Variants in NNMT observed in about 807,000 individuals in gnomAD.
NNMT encodes the protein nicotinamide N-methyltransferase.
NNMT carries 10 observed loss-of-function variants against 11.7 expected under a neutral mutation model. The observed-to-expected ratio is 0.85, with a 90% CI of 0.53 to 1.45. NNMT has a LOEUF of 1.45. Ranked by LOEUF, NNMT falls within the 40% of genes most tolerant of loss-of-function variation. NNMT has a pLI of 0.00. For synonymous variants in NNMT, 143 were observed against 133.8 expected (o/e 1.07, Z -0.48); for missense variants, 381 against 319.4 (o/e 1.19, Z -1.47).
upstream of NNMT, chr11:114,296,138 A>G (rs1038099312): frequency 6.4e-6 from 1 of 156,252 alleles, no homozygotes; most frequent in Non-Finnish European, 1.4e-5. Context: ...AAGAACGAGA[A>G]GAATGATGGT....
chr11:114,258,277 T>C (rs533384569), intron 1 of NNMT, among the ~76,000 whole-genome samples: 1 of 152,370 alleles, frequency 6.6e-6, no homozygotes, highest in Non-Finnish European at 1.5e-5. Flanking sequence ...CCTGTAGTCC[T>C]GGCTGGGTTC....
chr11:114,302,232 C>T (rs530843310), intron 2 of NNMT, among the ~76,000 whole-genome samples: 1 of 152,182 alleles, frequency 6.6e-6, no homozygotes, highest in Admixed American at 6.5e-5. Context: ...TGTTGTTCAC[C>T]TGTGTCTTTC....
intron 2 of NNMT, among the ~76,000 whole-genome samples, chr11:114,265,039 C>T (rs1022946320): frequency 6.6e-6 from 1 of 152,158 alleles, no homozygotes; most frequent in Admixed American, 6.5e-5. Flanking sequence ...ACCTTCAGCC[C>T]CTCTCCCTTC....
chr11:114,270,133 T>C (rs940425067), intron 2 of NNMT, among the ~76,000 whole-genome samples: 2 of 152,370 alleles, frequency 1.3e-5, no homozygotes, highest in African/African-American at 2.4e-5. Flanking sequence ...GTATTATTTC[T>C]ACCTTTTGAG....
At chr11:114,285,484 A>C (rs1029331660) in intron 2 of NNMT, among the ~76,000 whole-genome samples, 1 of 152,226 alleles carries the variant, frequency 6.6e-6, no homozygotes, top group African/African-American at 2.4e-5. Context: ...ATTAAGGCTC[A>C]TATTAATCAG....
chr11:114,282,417 T>C (rs368040368), intron 2 of NNMT, among the ~76,000 whole-genome samples: 2 of 151,682 alleles, frequency 1.3e-5, no homozygotes, highest in Non-Finnish European at 2.9e-5. Flanking sequence ...AAATCAACAA[T>C]AGGAAAAAGT....
At chr11:114,281,667 C>A (rs1945264501) in intron 2 of NNMT, among the ~76,000 whole-genome samples, 1 of 152,116 alleles carries the variant, frequency 6.6e-6, no homozygotes, top group Admixed American at 6.5e-5. Context: ...CTGTTGCAAC[C>A]ATTTTAATAG....
At chr11:114,295,513 C>G (rs550873643), upstream of NNMT, among the ~76,000 whole-genome samples, 1 of 150,796 alleles carries the variant, frequency 6.6e-6, no homozygotes, top group Admixed American at 6.6e-5. Flanking sequence ...CAAGCTCCGC[C>G]CCCCGGGTTC....
chr11:114,294,645 C>T (rs924121382), upstream of NNMT, among the ~76,000 whole-genome samples: 1 of 151,742 alleles, frequency 6.6e-6, no homozygotes, highest in Admixed American at 6.6e-5. Flanking sequence ...TGGTGGATAC[C>T]CCATTTACCC....
rs1011267205 is a variant in NNMT, at chr11:114,269,839, G to T, written c.-130+6905G>T. 2.6e-5 allele frequency among the ~76,000 whole-genome samples: 4 copies of T among 152,230 alleles called. No homozygotes were observed. In the South Asian group the frequency reaches 8.3e-4, roughly 32 times the overall value. ...TTTTGTCATTGCATGTTATTTAAATGTACTTGTTATTCTTTTTTTAACTTC... is the reference window on the plus strand; with the variant it reads ...TTTTGTCATTGCATGTTATTTAAATTTACTTGTTATTCTTTTTTTAACTTC... On this transcript the variant is annotated intron_variant, in intron 2 of 4. Coordinates refer to the NNMT transcript ENST00000535401.
At chr11:114,281,597 A>C (rs991007644) in intron 2 of NNMT, among the ~76,000 whole-genome samples, 1 of 152,206 alleles carries the variant, frequency 6.6e-6, no homozygotes, top group Non-Finnish European at 1.5e-5. Flanking sequence ...GTCAAGACAC[A>C]ACATGAGAGG....
chr11:114,306,906 T>A (rs918700551), intron 2 of NNMT, among the ~76,000 whole-genome samples: 2 of 152,228 alleles, frequency 1.3e-5, no homozygotes, highest in Non-Finnish European at 2.9e-5. Flanking sequence ...TGTTTGTATG[T>A]TGTCCAAAAA....
intron 2 of NNMT, among the ~76,000 whole-genome samples, chr11:114,284,144 G>A (rs182959930): frequency 6.9e-4 from 105 of 152,320 alleles, no homozygotes; most frequent in Admixed American, 1.9e-3. Context: ...AGCCACTCAG[G>A]TTTTCAGCTT....
chr11:114,276,088 C>T (rs745409425), intron 2 of NNMT, among the ~76,000 whole-genome samples: 65 of 151,880 alleles, frequency 4.3e-4, no homozygotes, highest in Non-Finnish European at 7.4e-4. Flanking sequence ...GCCTCGTTTT[C>T]TCCCTGTGGT....
intron 2 of NNMT, among the ~76,000 whole-genome samples, chr11:114,308,125 A>G (rs899670065): frequency 6.6e-6 from 1 of 152,174 alleles, no homozygotes; most frequent in African/African-American, 2.4e-5. Flanking sequence ...AAATACATGA[A>G]TACTCACATT....
At position 114,298,171 on chromosome 11, in the gene NNMT, G is replaced by A. The variant is rs765782226; in HGVS notation, c.362+13G>A. 3.7e-6 allele frequency: 6 copies of A among 1,612,320 alleles called. No homozygotes were observed. Among genetic ancestry groups the A allele is most frequent in the Non-Finnish European group, 5.1e-6 (6 of 1,178,572 alleles). On this transcript the variant is annotated intron_variant, in intron 2 of 2. Transcript: ENST00000299964. The stretch of plus-strand genomic sequence containing the variant: ...TTGAAGGGAACAGGTAGAGAAACTG[G>A]TGTCTACTTCTTGGCTTTTGAAGGT...
intron 2 of NNMT, among the ~76,000 whole-genome samples, chr11:114,287,855 C>T (rs1035588532): frequency 7.9e-5 from 12 of 151,954 alleles, no homozygotes; most frequent in Non-Finnish European, 1.5e-4. Flanking sequence ...ATGTGGAGTC[C>T]CCCCATCCAT....
intron 2 of NNMT, among the ~76,000 whole-genome samples, chr11:114,272,365 A>C (rs1945176233): frequency 6.6e-6 from 1 of 152,190 alleles, no homozygotes; most frequent in African/African-American, 2.4e-5. Context: ...GTGGGTGCTC[A>C]GGGTAGCTGT....
rs559168476 is a variant in NNMT at position 114,264,295 on chromosome 11, A to G, written c.-130+1361A>G. On this transcript the variant is annotated intron_variant, in intron 2 of 4. Transcript: ENST00000535401. Reference sequence around the variant, plus strand: ...AAATTCTAGAGAGCTGTCTGCAGACACTGTCTTCCTTCCTTTTTCTTACAA... The same window carrying G: ...AAATTCTAGAGAGCTGTCTGCAGACGCTGTCTTCCTTCCTTTTTCTTACAA... Among the ~76,000 whole-genome samples the G allele has an allele frequency of 5.0e-4, 76 of 152,176 alleles. No homozygotes were observed. The South Asian group carries it at 0.015, about 30-fold the overall frequency.
Sources: gnomAD v4.1 joint callset for allele counts (sites outside exome capture counted in the v4.1 genomes callset) on GRCh38, gnomAD v4.1.1 for gene constraint, MANE v1.5 for transcripts, NCBI Gene and HGNC (gene_info 2026-07-23, HGNC 2026-07-21) for gene names.